UNKL: variants seen among roughly 807,000 people sequenced by gnomAD.
UNKL encodes the protein unk like zinc finger, also known as putative E3 ubiquitin-protein ligase UNKL.
Under a neutral mutation model 78.0 loss-of-function variants are expected in UNKL, and 60 were observed. The ratio of observed to expected loss-of-function variants is 0.77; its 90% confidence interval spans 0.63 to 0.95. UNKL has a LOEUF of 0.95. UNKL is among the 40% of genes least tolerant of loss of function. The probability of loss-of-function intolerance (pLI) is 0.00; values close to 1 mark genes in which losing one functional copy is unlikely to be tolerated. For missense variants in UNKL, 1,159 were observed against 1,045.7 expected, an observed-to-expected ratio of 1.11 and a Z score of -1.49; for synonymous variants, 608 against 474.8, an observed-to-expected ratio of 1.28 and a Z score of -3.65.
intron 12 of UNKL, 120 bp downstream of exon 12, chr16:1,370,010 G>C (rs1596649932): frequency 6.4e-7 from 1 of 1,551,240 alleles, no homozygotes; most frequent in East Asian, 2.4e-5. Flanking sequence ...AGGTCATGTG[G>C]TTTGCCACCA....
In UNKL at chr16:1,399,296, G is replaced by C; in HGVS notation, c.734+78C>G. On this transcript the variant is annotated intron_variant, in intron 5 of 14. Coordinates refer to ENST00000389221, the MANE Select transcript of UNKL (RefSeq NM_001372107.1). This position sits in a 1 kb window ranked among gnomAD's most constrained non-coding sequence, Gnocchi z 5.8. ...AGGGCAGCCCTCCCATTAGAACCCC[G>C]GGGTGGGCAACGCGAGCCACGGGCC... is the stretch of plus-strand genomic sequence containing the variant. 3.5e-6 allele frequency: 5 copies of C among 1,448,216 alleles called. No homozygotes were observed. In the South Asian group the frequency reaches 5.7e-5, roughly 17 times the overall value. The allele number at this position is 1,448,216 out of a possible 1,614,324, so 89.7% of individuals were successfully genotyped here.
At chr16:1,394,347 G>T in intron 6 of UNKL, 132 bp from the exon 7 acceptor site, 1 of 1,093,862 alleles carries the variant, frequency 9.1e-7, no homozygotes, top group Non-Finnish European at 1.4e-6. Flanking sequence ...GGGGGGCGTG[G>T]GCCCTGCCCT....
intron 2 of UNKL, 132 bp downstream of exon 2, chr16:1,413,714 G>C: frequency 9.8e-7 from 1 of 1,021,728 alleles, no homozygotes; most frequent in Non-Finnish European, 1.4e-6. Context: ...GAAAATTTCA[G>C]CGTATAATTA....
intron 10 of UNKL, among the ~76,000 whole-genome samples, chr16:1,374,289 T>C (rs2036045975): frequency 1.3e-5 from 2 of 152,174 alleles, no homozygotes; most frequent in South Asian, 4.1e-4. Context: ...GGGTCTCTCC[T>C]GGGGGGCCCT....
chr16:1,367,569 T>TCCCTCCCTCCCTC (rs1358787570), intron 13 of UNKL, 87 bp downstream of exon 13: 3 of 201,782 alleles, frequency 1.5e-5, no homozygotes, highest in African/African-American at 1.0e-4. Flanking sequence ...CCTCCCTCCC[T>TCCCTCCCTCCCTC]CCCCTCCCAT....
intron 9 of UNKL, among the ~76,000 whole-genome samples, chr16:1,385,902 G>C (rs2036794261): frequency 6.6e-6 from 1 of 152,264 alleles, no homozygotes; most frequent in African/African-American, 2.4e-5. Context: ...GCGTGGTCCT[G>C]TGACCTCGTC....
intron 9 of UNKL, among the ~76,000 whole-genome samples, chr16:1,390,378 C>T (rs1470698546): frequency 1.3e-5 from 2 of 152,200 alleles, no homozygotes; most frequent in African/African-American, 2.4e-5. Flanking sequence ...CTTATTTCCC[C>T]GAGCACGATG....
intron 10 of UNKL, among the ~76,000 whole-genome samples, chr16:1,375,493 C>G (rs979138241): frequency 9.2e-5 from 14 of 152,224 alleles, no homozygotes; most frequent in African/African-American, 3.4e-4. Flanking sequence ...CTGTCCTTCC[C>G]CATCCCGTCA....
chr16:1,401,069 C>A (rs1383153858), intron 4 of UNKL, among the ~76,000 whole-genome samples: 1 of 152,162 alleles, frequency 6.6e-6, no homozygotes, highest in Non-Finnish European at 1.5e-5. Flanking sequence ...GGTCCCCCAG[C>A]CCCGAGGGAC....
At chr16:1,401,825 G>A (rs2037540577) in intron 3 of UNKL, 124 bp from the exon 4 acceptor site, 1 of 1,358,974 alleles carries the variant, frequency 7.4e-7, no homozygotes, top group African/African-American at 1.4e-5. Context: ...AAGGGTTCAG[G>A]ACGGAGTCTC....
chr16:1,398,847 C>T (rs374171888), intron 5 of UNKL: 3 of 1,568,188 alleles, frequency 1.9e-6, no homozygotes, highest in East Asian at 2.3e-5. Flanking sequence ...GGGGCTCAGG[C>T]GGTGGAGGAA....
intron 13 of UNKL, 78 bp downstream of exon 13, chr16:1,367,557 GCCCTCCCTCCCTCCCCTCCCA>G: frequency 2.6e-6 from 1 of 385,792 alleles, no homozygotes; most frequent in African/African-American, 5.9e-5. Context: ...GTCACCTGCG[GCCCTCCCTCCCTCCCCTCCCA>G]TCTCACCCCC....
At chr16:1,396,564 C>T (rs761061339) in intron 6 of UNKL, among the ~76,000 whole-genome samples, 13 of 152,142 alleles carry the variant, frequency 8.5e-5, no homozygotes, top group African/African-American at 1.2e-4. Flanking sequence ...TGTGAGCCAC[C>T]GTGCCTGGCC....
chr16:1,394,914 G>A (rs1468101629), intron 6 of UNKL, among the ~76,000 whole-genome samples: 2 of 152,218 alleles, frequency 1.3e-5, no homozygotes, highest in Non-Finnish European at 2.9e-5. Context: ...GTCTCGCTCT[G>A]TCACCCAGGC....
intron 11 of UNKL, among the ~76,000 whole-genome samples, chr16:1,371,204 C>T (rs925753363): frequency 6.6e-6 from 1 of 152,284 alleles, no homozygotes; most frequent in East Asian, 1.9e-4. Context: ...TGTCTCTGCG[C>T]GGCCACTTTG....
At chr16:1,367,960 T>A in intron 12 of UNKL, 102 bp from the exon 13 acceptor site, 3 of 1,083,808 alleles carry the variant, frequency 2.8e-6, no homozygotes, top group Non-Finnish European at 4.0e-6. Flanking sequence ...GTGGGCACCC[T>A]CTGGGGCTCA....
chr16:1,366,210 C>G lies in UNKL; in HGVS notation c.*30G>C. ...CAGGAGGAGCGCTGGAGCCAGGGTG[C>G]CCAGCAGGAGGTGGCTGTCCCCGCT... On this transcript the variant is annotated 3_prime_UTR_variant, in exon 15 of 15. Transcript: ENST00000389221. The G allele has an allele frequency of 6.7e-7, 1 of 1,484,254 alleles. No individual in the cohort carries two copies. The highest frequency in any genetic ancestry group is 1.3e-5 in the South Asian group (1 of 76,646). The allele number at this position is 1,484,254 out of a possible 1,614,324, so 91.9% of individuals were successfully genotyped here. A position where few individuals can be genotyped will look rare whatever the true frequency, so the allele number is the denominator to read the frequency against.
At chr16:1,367,527 C>T in intron 13 of UNKL, 129 bp downstream of exon 13, 2 of 913,030 alleles carry the variant, frequency 2.2e-6, no homozygotes, top group Non-Finnish European at 3.1e-6. Flanking sequence ...TCCCGTCTCA[C>T]CCCCCACACG....
intron 9 of UNKL, 41 bp downstream of exon 9, chr16:1,390,591 C>G (rs74898592): frequency 3.9e-6 from 6 of 1,532,620 alleles, no homozygotes; most frequent in Non-Finnish European, 5.2e-6. Flanking sequence ...AGCCCTAACG[C>G]GACATCAGGC....
Sources: gnomAD v4.1 joint callset for allele counts (sites outside exome capture counted in the v4.1 genomes callset) on GRCh38, gnomAD v4.1.1 for gene constraint, Gnocchi (gnomAD v3.1) non-coding constraint, MANE v1.5 for transcripts, NCBI Gene and HGNC (gene_info 2026-07-23, HGNC 2026-07-21) for gene names.